The following PPM1B variants were observed in gnomAD, a reference collection of about 807,000 sequenced individuals.
PPM1B encodes protein phosphatase, Mg2+/Mn2+ dependent 1B.
Under a neutral mutation model 43.0 loss-of-function variants are expected in PPM1B, and 22 were observed. That is an observed-to-expected ratio of 0.51 (90% CI 0.37 to 0.73). PPM1B has a LOEUF of 0.73. PPM1B is among the 30% of genes least tolerant of loss of function. The pLI is 0.00. For synonymous variants in PPM1B, 217 were observed against 197.9 expected (o/e 1.10, Z -0.81); for missense variants, 632 against 584.2 (o/e 1.08, Z -0.84).
At chr2:44,226,971 T>TATTTATGAATGA (rs756776044) in intron 5 of PPM1B, among the ~76,000 whole-genome samples, 1 of 142,548 alleles carries the variant, frequency 7.0e-6, no homozygotes. Flanking sequence ...TTTATTTATT[T>TATTTATGAATGA]ATGAATGAAT....
chr2:44,232,575 T>G (rs143289216), downstream of PPM1B: 421 of 1,373,018 alleles, frequency 3.1e-4, no homozygotes, highest in Admixed American at 2.1e-3. Flanking sequence ...TCAGGCATAC[T>G]CGTTACATCT....
intron 5 of PPM1B, among the ~76,000 whole-genome samples, chr2:44,239,986 T>C (rs1572768711): frequency 6.8e-6 from 1 of 147,082 alleles, no homozygotes; most frequent in Non-Finnish European, 1.5e-5. Context: ...GTATACATTG[T>C]CTTCACCATA....
Position 44,201,621 on chromosome 2 carries a change from C to T in PPM1B, c.422C>T (p.Pro141Leu). The T allele has an allele frequency of 6.2e-7, 1 of 1,614,132 alleles. No individual in the cohort carries two copies. Among genetic ancestry groups the T allele is most frequent in the South Asian group, 1.1e-5 (1 of 91,074 alleles). ...GSTAVGVMIS[P>L]KHIYFINCGD... ...ACTGCAGTGGGAGTTATGATTTCAC[C>T]TAAGCATATCTACTTTATCAACTGT... is the stretch of plus-strand genomic sequence containing the variant. Residue 141 changes from proline to leucine, a missense_variant, in exon 2 of 6, where the codon CCT becomes CTT. Pro to Leu is a moderately conservative substitution (Grantham distance 98, BLOSUM62 -3). Around this residue, in one of 3 missense-constraint regions of PPM1B, gnomAD observed 200 missense variants for 200.7 expected, o/e 1.00. Transcript: ENST00000282412. This position sits in a 1 kb window ranked among gnomAD's most constrained non-coding sequence, Gnocchi z 5.4.
chr2:44,234,179 A>G (rs1670546056), downstream of PPM1B: 1 of 981,866 alleles, frequency 1.0e-6, no homozygotes, highest in South Asian at 4.7e-5. Context: ...TGTACAGGAC[A>G]ATATTAACCC....
At chr2:44,195,173 G>A (rs891747353) in intron 1 of PPM1B, among the ~76,000 whole-genome samples, 6 of 150,910 alleles carry the variant, frequency 4.0e-5, no homozygotes, top group South Asian at 2.1e-4. Flanking sequence ...GATTACAGGC[G>A]TGAGCCACCC....
rs547623241 is a variant in PPM1B at position 44,207,166 on chromosome 2, AC to A, written c.847-2043del. On this transcript the variant is annotated intron_variant, in intron 2 of 5. Coordinates refer to ENST00000282412, the MANE Select transcript of PPM1B (RefSeq NM_002706.6). ...AAGACCCAACCTTCACTGCCTTCAAACTTTACTCCCATTGAATTAGGAGGTG... is the reference window on the plus strand; with the variant it reads ...AAGACCCAACCTTCACTGCCTTCAAATTTACTCCCATTGAATTAGGAGGTG... Among the ~76,000 whole-genome samples, 604 of 152,268 alleles carry A rather than the reference AC, an allele frequency of 4.0e-3. 3 individuals are homozygous for A. The highest frequency in any genetic ancestry group is 0.014 in the African/African-American group (574 of 41,558).
At chr2:44,202,151 A>G (rs1668969433) in intron 2 of PPM1B, 106 bp downstream of exon 2, 2 of 1,145,272 alleles carry the variant, frequency 1.7e-6, no homozygotes, top group East Asian at 2.6e-5. Flanking sequence ...TTTTCACAGA[A>G]GCTGTATATT....
intron 1 of PPM1B, among the ~76,000 whole-genome samples, chr2:44,196,036 A>G (rs998850742): frequency 2.6e-5 from 4 of 152,214 alleles, no homozygotes; most frequent in African/African-American, 9.7e-5. Flanking sequence ...ATGCAGTAAT[A>G]TGAGAAAACC....
At chr2:44,199,662 TAATC>T (rs1470293182) in intron 1 of PPM1B, among the ~76,000 whole-genome samples, 1 of 152,206 alleles carries the variant, frequency 6.6e-6, no homozygotes, top group Admixed American at 6.5e-5. Context: ...TGTTCAAAAG[TAATC>T]AAGCATATTC....
At position 44,201,128 on chromosome 2, in the gene PPM1B, A is replaced by G; in HGVS notation, c.-14-58A>G. The G allele has an allele frequency of 3.4e-6, 5 of 1,464,752 alleles. No individual in the cohort carries two copies. Among genetic ancestry groups the G allele is most frequent in the South Asian group, 1.4e-5 (1 of 73,026 alleles). 90.7% of individuals were successfully genotyped at this position (1,464,752 alleles called of 1,614,324 possible). A position where few individuals can be genotyped will look rare whatever the true frequency, so the allele number is the denominator to read the frequency against. ...GGAGTTACTAGACTATAGAGGGAAT[A>G]TTGTACATACATTTTCTGTCAAATT... On this transcript the variant is annotated intron_variant, in intron 1 of 5. Coordinates refer to ENST00000282412, the MANE Select transcript of PPM1B (RefSeq NM_002706.6). This position sits in a 1 kb window ranked among gnomAD's most constrained non-coding sequence, Gnocchi z 5.4.
At position 44,230,870 on chromosome 2, in the gene PPM1B, T is replaced by TAC. The variant is rs1196379757; in HGVS notation, c.*155_*156dup. On this transcript the variant is annotated 3_prime_UTR_variant, in exon 6 of 6. Coordinates refer to ENST00000282412, the MANE Select transcript of PPM1B (RefSeq NM_002706.6). ...CTTGTTTTTTAAAAAGGCCTTTGCA[T>TAC]ACACCTTTATGAGATAGTGTAAAAT... The TAC allele has an allele frequency of 5.0e-6, 7 of 1,403,182 alleles. No individual in the cohort carries two copies. The highest frequency in any genetic ancestry group is 6.6e-6 in the Non-Finnish European group (7 of 1,067,216). 86.9% of individuals were successfully genotyped at this position (1,403,182 alleles called of 1,614,324 possible).
chr2:44,205,348 GGTGTGGGTGTGTGTGTGT>G (rs1447688027), intron 2 of PPM1B, among the ~76,000 whole-genome samples: 1 of 94,366 alleles, frequency 1.1e-5, no homozygotes, highest in African/African-American at 5.6e-5. Context: ...TGTGGGTGTG[GGTGTGGGTGTGTGTGTGT>G]GTGTGTGTGT....
At chr2:44,194,459 C>G (rs1358542430) in intron 1 of PPM1B, among the ~76,000 whole-genome samples, 1 of 151,762 alleles carries the variant, frequency 6.6e-6, no homozygotes, top group African/African-American at 2.4e-5. Flanking sequence ...CGTGTTGGCT[C>G]ATGCCTGTAA....
At position 44,218,098 on chromosome 2, in the gene PPM1B, A is replaced by C; in HGVS notation, c.1076+20A>C. 6.5e-7 allele frequency: 1 copy of C among 1,540,538 alleles called. No homozygotes were observed. The highest frequency in any genetic ancestry group is 1.4e-5 in the African/African-American group (1 of 73,322). ...TGGCAAGTAAGTAGAACAAAAAGCT[A>C]ATTTTGAGTTCGTTCATAATTAGTA... On this transcript the variant is annotated intron_variant, in intron 4 of 5. Transcript: ENST00000282412.
chr2:44,217,496 TCTAG>T (rs1669778142), intron 3 of PPM1B, among the ~76,000 whole-genome samples: 1 of 152,198 alleles, frequency 6.6e-6, no homozygotes, highest in Non-Finnish European at 1.5e-5. Flanking sequence ...ATAATTCTTA[TCTAG>T]CTAAACTTTT....
intron 5 of PPM1B, among the ~76,000 whole-genome samples, chr2:44,226,972 A>AT (rs1243829061): frequency 6.0e-4 from 86 of 143,038 alleles, no homozygotes; most frequent in South Asian, 1.1e-3. Flanking sequence ...TTATTTATTT[A>AT]TGAATGAATG....
chr2:44,204,066 T>G (rs1046651551), intron 2 of PPM1B, among the ~76,000 whole-genome samples: 1 of 152,192 alleles, frequency 6.6e-6, no homozygotes, highest in Non-Finnish European at 1.5e-5. Context: ...GGGCCCATGA[T>G]TCATTCAATG....
intron 2 of PPM1B, among the ~76,000 whole-genome samples, chr2:44,203,832 T>G (rs1431434511): frequency 6.6e-6 from 1 of 152,222 alleles, no homozygotes; most frequent in South Asian, 2.1e-4. Flanking sequence ...GAAAGAAGTT[T>G]GTGTTAGTAG....
chr2:44,184,636 A>C (rs1668038069), intron 1 of PPM1B, among the ~76,000 whole-genome samples: 1 of 152,060 alleles, frequency 6.6e-6, no homozygotes, highest in African/African-American at 2.4e-5. Context: ...TCTCTAACTG[A>C]ACATGTTCAA....
Sources: allele counts gnomAD v4.1 joint callset (sites outside exome capture counted in the v4.1 genomes callset), GRCh38; gene constraint gnomAD v4.1.1; regional missense constraint gnomAD v4.1.1; non-coding constraint Gnocchi (gnomAD v3.1); transcripts MANE v1.5; gene names NCBI Gene and HGNC (gene_info 2026-07-23, HGNC 2026-07-21).